Variants in FAM135B observed in about 807,000 individuals in gnomAD.
FAM135B encodes protein FAM135B.
A neutral mutation model predicts 127.7 loss-of-function variants in FAM135B; 43 were observed. The observed-to-expected ratio is 0.34, with a 90% CI of 0.26 to 0.43. FAM135B has a LOEUF of 0.43. Ranked by LOEUF, FAM135B falls within the 20% of genes least tolerant of loss-of-function variation. The probability of loss-of-function intolerance (pLI) is 1.00; values close to 1 mark genes in which losing one functional copy is unlikely to be tolerated. For missense variants in FAM135B, 1,558 were observed against 1,725.6 expected (o/e 0.90, Z 1.72); for synonymous variants, 670 against 665.1 (o/e 1.01, Z -0.11).
At chr8:138,295,588 A>T (rs1242197369) in intron 3 of FAM135B, among the ~76,000 whole-genome samples, 1 of 152,154 alleles carries the variant, frequency 6.6e-6, no homozygotes, top group Non-Finnish European at 1.5e-5. Context: ...CACTTCCTGC[A>T]GGGAGTAGCC....
chr8:138,255,540 G>C (rs1026664246), intron 5 of FAM135B, among the ~76,000 whole-genome samples: 4 of 152,186 alleles, frequency 2.6e-5, no homozygotes, highest in Admixed American at 2.6e-4. Context: ...GTCTAAACAA[G>C]AACGAGCAGG....
chr8:138,404,933 T>C (rs748293110), intron 1 of FAM135B, among the ~76,000 whole-genome samples: 1 of 152,194 alleles, frequency 6.6e-6, no homozygotes. Context: ...CCTCCTCCCA[T>C]GAATCACCAA....
At chr8:138,161,762 A>C (rs1819423771) in intron 12 of FAM135B, among the ~76,000 whole-genome samples, 1 of 152,198 alleles carries the variant, frequency 6.6e-6, no homozygotes, top group African/African-American at 2.4e-5. Flanking sequence ...TCTCTCTACA[A>C]TACCCTTCCC....
intron 12 of FAM135B, among the ~76,000 whole-genome samples, chr8:138,164,820 G>A (rs182865070): frequency 5.7e-4 from 87 of 152,308 alleles, no homozygotes; most frequent in Middle Eastern, 3.4e-3. Context: ...GCTGTGTCAC[G>A]GGTGCATGTC....
intron 12 of FAM135B, among the ~76,000 whole-genome samples, chr8:138,159,613 G>C (rs1819158624): frequency 7.3e-6 from 1 of 136,228 alleles, no homozygotes; most frequent in Non-Finnish European, 1.6e-5. Flanking sequence ...GTGGGGTGGG[G>C]GGAGGGGGGA....
chr8:138,354,642 T>C (rs938205408), intron 2 of FAM135B, among the ~76,000 whole-genome samples: 1 of 152,164 alleles, frequency 6.6e-6, no homozygotes, highest in African/African-American at 2.4e-5. Context: ...GTCTTTCTCA[T>C]TGCTCTGCCC....
At chr8:138,422,705 A>T (rs1349483608) in intron 1 of FAM135B, among the ~76,000 whole-genome samples, 1 of 152,118 alleles carries the variant, frequency 6.6e-6, no homozygotes, top group East Asian at 1.9e-4. Context: ...TCTGAAAAAA[A>T]CAAAAACAAA....
intron 13 of FAM135B, 98 bp from the exon 14 acceptor site, chr8:138,148,784 G>T: frequency 1.2e-6 from 1 of 850,988 alleles, no homozygotes; most frequent in Non-Finnish European, 1.8e-6. Flanking sequence ...GCACCCACAA[G>T]CAAAGTGCCT....
intron 8 of FAM135B, among the ~76,000 whole-genome samples, chr8:138,196,514 A>G (rs1402044042): frequency 6.6e-6 from 1 of 152,196 alleles, no homozygotes; most frequent in Non-Finnish European, 1.5e-5. Context: ...ACCTCAGTCT[A>G]TTTGGGAAGC....
rs1041502598 is a variant in FAM135B, at chr8:138,383,603, C to T, written c.-19-15601G>A. Among the ~76,000 whole-genome samples the T allele has an allele frequency of 2.0e-5, 3 of 152,184 alleles. No homozygotes were observed. The South Asian group carries it at 6.2e-4, about 32-fold the overall frequency. On this transcript the variant is annotated intron_variant, in intron 1 of 19. Transcript: ENST00000395297. Reference sequence around the variant, plus strand: ...CACCATGATACTGGATACTTCAATGCTTCTTTCGTTTAATCTTCAAAACTC... The same window carrying T: ...CACCATGATACTGGATACTTCAATGTTTCTTTCGTTTAATCTTCAAAACTC...
chr8:138,454,994 C>T (rs1836699003), intron 1 of FAM135B, among the ~76,000 whole-genome samples: 1 of 152,210 alleles, frequency 6.6e-6, no homozygotes, highest in African/African-American at 2.4e-5. Flanking sequence ...AACAGATGAG[C>T]ACTGACTTAT....
intron 5 of FAM135B, among the ~76,000 whole-genome samples, chr8:138,251,557 A>G (rs1274398295): frequency 6.6e-6 from 1 of 152,182 alleles, no homozygotes; most frequent in Non-Finnish European, 1.5e-5. Flanking sequence ...GACTGACTGA[A>G]CGAACAAAAG....
At chr8:138,355,688 G>A (rs938091272) in intron 2 of FAM135B, among the ~76,000 whole-genome samples, 1 of 152,170 alleles carries the variant, frequency 6.6e-6, no homozygotes, top group Non-Finnish European at 1.5e-5. Flanking sequence ...CAGGTGCCAA[G>A]CAGTGAGAAA....
At chr8:138,381,100 A>G (rs569843908) in intron 1 of FAM135B, among the ~76,000 whole-genome samples, 5 of 152,286 alleles carry the variant, frequency 3.3e-5, no homozygotes, top group African/African-American at 4.8e-5. Context: ...AAGACTCTGC[A>G]AAACAGACCC....
intron 1 of FAM135B, among the ~76,000 whole-genome samples, chr8:138,466,035 C>A (rs1441131062): frequency 6.6e-6 from 1 of 152,296 alleles, no homozygotes; most frequent in Non-Finnish European, 1.5e-5. Flanking sequence ...CTCGGCCTCC[C>A]AACGTGCTGG....
intron 19 of FAM135B, among the ~76,000 whole-genome samples, chr8:138,134,022 C>CA (rs1816421760): frequency 6.6e-6 from 1 of 152,108 alleles, no homozygotes; most frequent in Admixed American, 6.6e-5. Context: ...TGGTCATTCC[C>CA]AAGAGCCCAT....
In FAM135B at chr8:138,131,480, T is replaced by G. The variant is rs1374173930; in HGVS notation, c.*1113A>C. The G allele has an allele frequency of 6.5e-6, 1 of 152,672 alleles. No homozygotes were observed. Among genetic ancestry groups the G allele is most frequent in the Non-Finnish European group, 1.5e-5 (1 of 68,046 alleles). The allele number at this position is 152,672 out of a possible 1,614,324, so 9.5% of individuals were successfully genotyped here. On this transcript the variant is annotated 3_prime_UTR_variant, in exon 20 of 20. Transcript: ENST00000395297. ...TTCTCCTCCTATCTGATCTCACTTT[T>G]GTCCCTGTCGTCTATTGGTTTTTAT...
At chr8:138,404,657 G>A (rs1833350327) in intron 1 of FAM135B, among the ~76,000 whole-genome samples, 1 of 152,118 alleles carries the variant, frequency 6.6e-6, no homozygotes, top group Non-Finnish European at 1.5e-5. Context: ...TTTCAACAAT[G>A]ACAACGACTT....
intron 3 of FAM135B, among the ~76,000 whole-genome samples, chr8:138,298,082 C>T (rs1193243610): frequency 6.6e-6 from 1 of 152,176 alleles, no homozygotes; most frequent in Non-Finnish European, 1.5e-5. Context: ...ACCTAAATTT[C>T]CCCTTCTGCA....
Sources: allele counts gnomAD v4.1 joint callset (sites outside exome capture counted in the v4.1 genomes callset), GRCh38; gene constraint gnomAD v4.1.1; transcripts MANE v1.5; gene names NCBI Gene and HGNC (gene_info 2026-07-23, HGNC 2026-07-21).